GALNT8: variants seen among roughly 807,000 people sequenced by gnomAD.
GALNT8 encodes the protein polypeptide N-acetylgalactosaminyltransferase 8.
Under a neutral mutation model 62.7 loss-of-function variants are expected in GALNT8, and 66 were observed. The ratio of observed to expected loss-of-function variants is 1.05; its 90% CI spans 0.86 to 1.29. The LOEUF is 1.29. GALNT8 is among the 50% of genes most tolerant of loss of function. The probability of loss-of-function intolerance (pLI) is 0.00; values close to 1 mark genes in which losing one functional copy is unlikely to be tolerated. For synonymous variants in GALNT8, 288 were observed against 294.3 expected, an observed-to-expected ratio of 0.98 and a Z score of 0.22; for missense variants, 771 against 791.8, an observed-to-expected ratio of 0.97 and a Z score of 0.32.
chr12:4,763,373 A>G lies in GALNT8; in HGVS notation c.1480A>G (p.Ile494Val), dbSNP rs1468709134. ...VYPLLKPLHT[I>V]VGYGRMKNLL... is the part of the protein sequence containing the mutation. ...TCCACTCTTGAAGCCACTCCACACC[A>G]TCGTGGGCTATGGAAGAGTATGTAT... is the stretch of plus-strand genomic sequence containing the variant. Residue 494 changes from isoleucine (I) to valine (V), a missense_variant, in exon 8 of 11, where the codon ATC becomes GTC. Transcript: ENST00000252318. The G allele has an allele frequency of 6.2e-7, 1 of 1,612,632 alleles. No homozygotes were observed. Among genetic ancestry groups the G allele is most frequent in the Admixed American group, 1.7e-5 (1 of 59,998 alleles).
At chr12:4,769,760 C>T (rs960185945) in intron 10 of GALNT8, among the ~76,000 whole-genome samples, 3 of 151,842 alleles carry the variant, frequency 2.0e-5, no homozygotes, top group Non-Finnish European at 2.9e-5. Context: ...TCATCCCCTC[C>T]CCTGAAAGCC....
chr12:4,739,216 T>C lies in GALNT8; in HGVS notation c.563T>C (p.Ile188Thr). ...CTCCCATCCCTCAGTGTCATTCTCATATTCGTGAATGAAGCTCTGTCCATT... is the reference window on the plus strand; with the variant it reads ...CTCCCATCCCTCAGTGTCATTCTCACATTCGTGAATGAAGCTCTGTCCATT... ...SQLPSLSVIL[I>T]FVNEALSIIQ... The change falls in exon 3 of 11, where the codon ATA becomes ACA. Residue 188 changes from isoleucine to threonine, a missense_variant. By Grantham distance (89) the Ile-to-Thr change is moderately conservative. Coordinates refer to ENST00000252318, the MANE Select transcript of GALNT8 (RefSeq NM_017417.2). The C allele has an allele frequency of 6.2e-7, 1 of 1,610,044 alleles. No individual in the cohort carries two copies. The highest frequency in any genetic ancestry group is 1.7e-5 in the Admixed American group (1 of 60,024).
intron 6 of GALNT8, among the ~76,000 whole-genome samples, chr12:4,757,795 G>T (rs1946351834): frequency 2.6e-5 from 4 of 152,142 alleles, no homozygotes; most frequent in Admixed American, 2.6e-4. Context: ...TGGGAGTACA[G>T]GTACTGTCTA....
intron 3 of GALNT8, among the ~76,000 whole-genome samples, chr12:4,743,384 T>C (rs1007373445): frequency 2.6e-5 from 4 of 152,240 alleles, no homozygotes; most frequent in African/African-American, 9.6e-5. Context: ...CCTTCAATAA[T>C]TGAGACAATT....
chr12:4,739,114 T>A, intron 2 of GALNT8, 49 bp from the exon 3 acceptor site: 1 of 1,155,638 alleles, frequency 8.7e-7, no homozygotes, highest in South Asian at 1.4e-5. Flanking sequence ...GATAGCAGTG[T>A]TGAAGTAATT....
At chr12:4,768,913 G>A (rs1169667382) in intron 10 of GALNT8, among the ~76,000 whole-genome samples, 1 of 152,168 alleles carries the variant, frequency 6.6e-6, no homozygotes, top group Non-Finnish European at 1.5e-5. Context: ...TTGAGAGGGA[G>A]ATGAGACTAG....
chr12:4,763,234 C>A lies in GALNT8; in HGVS notation c.1360-19C>A. ...TTTCATGAATCAAAGCACAGAAACACTTGGCGTTTTATTTACAGAACTCTG... is the reference window on the plus strand; with the variant it reads ...TTTCATGAATCAAAGCACAGAAACAATTGGCGTTTTATTTACAGAACTCTG... On this transcript the variant is annotated intron_variant, in intron 7 of 10. Transcript: ENST00000252318. 6.2e-7 allele frequency: 1 copy of A among 1,607,478 alleles called. No homozygotes were observed. The highest frequency in any genetic ancestry group is 8.5e-7 in the Non-Finnish European group (1 of 1,174,344).
Position 4,746,278 on chromosome 12 carries a change from C to CTTTTTTGTGT in GALNT8, c.1173+23_1173+24insTTTGTGTTTT. 2 of 1,281,538 alleles carry CTTTTTTGTGT rather than the reference C, an allele frequency of 1.6e-6. No individual in the cohort carries two copies. Among genetic ancestry groups the CTTTTTTGTGT allele is most frequent in the Non-Finnish European group, 2.3e-6 (2 of 876,072 alleles). 79.4% of individuals were successfully genotyped at this position (1,281,538 alleles called of 1,614,324 possible). A position where few individuals can be genotyped will look rare whatever the true frequency, so the allele number is the denominator to read the frequency against. ...CTGAGGGTGGGTACATTTCCCTTTT[C>CTTTTTTGTGT]TTTATGGGACAAAGCAGAAAGGGGA... On this transcript the variant is annotated intron_variant, in intron 6 of 10. Coordinates refer to ENST00000252318, the MANE Select transcript of GALNT8 (RefSeq NM_017417.2).
Position 4,720,663 on chromosome 12 carries a change from A to G in GALNT8, c.-15A>G. On this transcript the variant is annotated 5_prime_UTR_variant, in exon 1 of 11. Transcript: ENST00000252318. ...CACTCAGTCCCACAGGGAGTGGACGACCCCCAGGAAGAAGATGATGTTTTG... is the reference window on the plus strand; with the variant it reads ...CACTCAGTCCCACAGGGAGTGGACGGCCCCCAGGAAGAAGATGATGTTTTG... 1 of 1,557,018 alleles carries G rather than the reference A, an allele frequency of 6.4e-7. No homozygotes were observed. The highest frequency in any genetic ancestry group is 8.9e-7 in the Non-Finnish European group (1 of 1,128,208).
chr12:4,756,650 G>A (rs566337543), intron 6 of GALNT8, among the ~76,000 whole-genome samples: 2 of 152,218 alleles, frequency 1.3e-5, no homozygotes, highest in Admixed American at 1.3e-4. Flanking sequence ...GAGGAACAAA[G>A]TAATTTCCCA....
Position 4,720,662 on chromosome 12 carries a change from G to A in GALNT8, c.-16G>A, listed in dbSNP as rs1946161940. The A allele has an allele frequency of 9.0e-6, 14 of 1,548,638 alleles. No homozygotes were observed. Among genetic ancestry groups the A allele is most frequent in the South Asian group, 2.2e-5 (2 of 89,826 alleles). ...ACACTCAGTCCCACAGGGAGTGGAC[G>A]ACCCCCAGGAAGAAGATGATGTTTT... On this transcript the variant is annotated 5_prime_UTR_variant, in exon 1 of 11. Transcript: ENST00000252318.
At chr12:4,770,312 A>G (rs1388414533) in intron 10 of GALNT8, among the ~76,000 whole-genome samples, 1 of 151,834 alleles carries the variant, frequency 6.6e-6, no homozygotes, top group Non-Finnish European at 1.5e-5. Context: ...AAAAGAAAAA[A>G]AAAAAAACAA....
intron 10 of GALNT8, among the ~76,000 whole-genome samples, chr12:4,771,951 TC>T (rs1236508735): frequency 2.0e-5 from 3 of 152,160 alleles, no homozygotes; most frequent in African/African-American, 2.4e-5. Context: ...CTTAGCGAAG[TC>T]CCCTCAATAG....
chr12:4,740,615 G>C (rs2137528682), intron 3 of GALNT8, among the ~76,000 whole-genome samples: 1 of 152,152 alleles, frequency 6.6e-6, no homozygotes, highest in African/African-American at 2.4e-5. Flanking sequence ...GTAGAGATGG[G>C]GTTTCACCAT....
At chr12:4,737,499 A>G (rs541290603) in intron 2 of GALNT8, among the ~76,000 whole-genome samples, 4 of 152,308 alleles carry the variant, frequency 2.6e-5, no homozygotes, top group African/African-American at 7.2e-5. Context: ...AGAGGTGAAA[A>G]GGAATCATTT....
At chr12:4,752,334 C>T (rs976152348) in intron 6 of GALNT8, among the ~76,000 whole-genome samples, 3 of 151,668 alleles carry the variant, frequency 2.0e-5, no homozygotes, top group African/African-American at 7.3e-5. Context: ...TTTCTTGTTT[C>T]TTCTCTTTCC....
At chr12:4,763,157 T>C (rs1375649436) in intron 7 of GALNT8, 96 bp from the exon 8 acceptor site, 1 of 980,012 alleles carries the variant, frequency 1.0e-6, no homozygotes, top group Non-Finnish European at 1.6e-6. Context: ...AGGACTCACA[T>C]GCAGAAATAT....
intron 5 of GALNT8, 117 bp downstream of exon 5, chr12:4,745,743 G>A: frequency 1.3e-6 from 1 of 746,520 alleles, no homozygotes. Context: ...GAGGGGAGGG[G>A]ATGAGGTGAA....
intron 10 of GALNT8, 54 bp from the exon 11 acceptor site, chr12:4,772,391 T>C (rs901498097): frequency 1.3e-6 from 2 of 1,521,098 alleles, no homozygotes; most frequent in Non-Finnish European, 1.8e-6. Flanking sequence ...CTAGAAGAGA[T>C]GATGAATTAC....
Sources: gnomAD v4.1 joint callset for allele counts (sites outside exome capture counted in the v4.1 genomes callset) on GRCh38, gnomAD v4.1.1 for gene constraint, MANE v1.5 for transcripts, NCBI Gene and HGNC (gene_info 2026-07-23, HGNC 2026-07-21) for gene names.